The following ART1 variants were observed in gnomAD, a reference collection of about 807,000 sequenced individuals.
ART1 encodes the protein ADP-ribosyltransferase 1, also known as GPI-linked NAD(P)(+)--arginine ADP-ribosyltransferase 1.
ART1 carries 29 observed loss-of-function variants against 27.0 expected under a neutral mutation model. The ratio of observed to expected loss-of-function variants is 1.08; its 90% CI spans 0.80 to 1.47. ART1 has a LOEUF of 1.47. Ranked by LOEUF, ART1 falls within the 40% of genes most tolerant of loss-of-function variation. The pLI is 0.00. For synonymous variants in ART1, 201 were observed against 172.2 expected (o/e 1.17, Z -1.31); for missense variants, 480 against 423.0 (o/e 1.13, Z -1.18).
chr11:3,663,067 TCTC>T (rs1382018330), intron 4 of ART1, among the ~76,000 whole-genome samples: 2 of 118,610 alleles, frequency 1.7e-5, no homozygotes, highest in African/African-American at 7.7e-5. Context: ...TCTCATCTCA[TCTC>T]ATCTCATCAT....
chr11:3,652,164 T>C (rs1198036129), intron 1 of ART1, among the ~76,000 whole-genome samples: 2 of 150,612 alleles, frequency 1.3e-5, no homozygotes, highest in Non-Finnish European at 2.9e-5. Flanking sequence ...AAATTAGCTT[T>C]ACTCAACATG....
chr11:3,661,207 G>A (rs758610596), intron 3 of ART1, among the ~76,000 whole-genome samples, 165 bp from the exon 4 acceptor site: 7 of 152,140 alleles, frequency 4.6e-5, no homozygotes, highest in Non-Finnish European at 8.8e-5. Context: ...CTCATGGGTC[G>A]AGGCAAACCT....
At chr11:3,649,824 T>C (rs933411892) in intron 1 of ART1, among the ~76,000 whole-genome samples, 5 of 152,180 alleles carry the variant, frequency 3.3e-5, no homozygotes, top group Admixed American at 1.3e-4. Context: ...TTAGGCTTTT[T>C]CATCAAATAA....
intron 1 of ART1, among the ~76,000 whole-genome samples, chr11:3,653,003 T>G (rs558538013): frequency 5.4e-5 from 8 of 148,168 alleles, no homozygotes; most frequent in Non-Finnish European, 1.0e-4. Flanking sequence ...CCAATAATTC[T>G]ACACGACAAA....
intron 1 of ART1, among the ~76,000 whole-genome samples, chr11:3,657,671 A>G (rs2077585168): frequency 1.3e-5 from 2 of 152,228 alleles, no homozygotes; most frequent in African/African-American, 4.8e-5. Context: ...TGTGGAATAA[A>G]GGGCACTCTC....
At position 3,659,596 on chromosome 11, in the gene ART1, C is replaced by G; in HGVS notation, c.77C>G (p.Pro26Arg). ...LMEALQAQSH[P>R]ITRRDLFSQE... is the part of the protein sequence containing the mutation. ...CTGTCCCCTCAGGCCCAGAGCCACC[C>G]CATCACACGACGAGACCTCTTCTCT... The change falls in exon 3 of 5, where the codon CCC becomes CGC. Residue 26 changes from proline to arginine, a missense_variant. Transcript: ENST00000250693. 6.2e-7 allele frequency: 1 copy of G among 1,602,946 alleles called. No individual in the cohort carries two copies. Among genetic ancestry groups the G allele is most frequent in the Non-Finnish European group, 8.5e-7 (1 of 1,175,854 alleles).
At chr11:3,662,179 C>G (rs769194557) in intron 4 of ART1, among the ~76,000 whole-genome samples, 2 of 152,238 alleles carry the variant, frequency 1.3e-5, no homozygotes, top group African/African-American at 2.4e-5. Context: ...GGCTCTAGTC[C>G]AGGCTCTGCT....
Position 3,649,181 on chromosome 11 carries a change from G to A in ART1, c.-53+4002G>A, listed in dbSNP as rs933776925. Among the ~76,000 whole-genome samples the A allele has an allele frequency of 1.3e-4, 20 of 151,788 alleles. No homozygotes were observed. In the South Asian group the frequency reaches 1.5e-3, roughly 11 times the overall value. On this transcript the variant is annotated intron_variant, in intron 1 of 4. Coordinates refer to ENST00000250693, the MANE Select transcript of ART1 (RefSeq NM_004314.3). ...CACTACGGGCAACCTTCCACCCTCCGTTCCTCCGTCTCCCTTAGCCTGTGC... is the reference window on the plus strand; with the variant it reads ...CACTACGGGCAACCTTCCACCCTCCATTCCTCCGTCTCCCTTAGCCTGTGC...
At chr11:3,646,620 T>G (rs1380203942) in intron 1 of ART1, among the ~76,000 whole-genome samples, 1 of 152,204 alleles carries the variant, frequency 6.6e-6, no homozygotes, top group Non-Finnish European at 1.5e-5. Context: ...ACCTGACCTC[T>G]GGCTTCATCA....
rs562108762 is a variant in ART1 at position 3,659,640 on chromosome 11, A to C, written c.121A>C (p.Met41Leu). ...CTTCTCTCAAGAGATTCAGCTGGAC[A>C]TGGCCCTGGCCTCCTTTGATGACCA... ...DLFSQEIQLD[M>L]ALASFDDQYA... The change falls in exon 3 of 5, where the codon ATG (methionine) becomes CTG (leucine). Residue 41 changes from methionine to leucine, a missense_variant. Coordinates refer to ENST00000250693, the MANE Select transcript of ART1 (RefSeq NM_004314.3). 1 of 1,613,550 alleles carries C rather than the reference A, an allele frequency of 6.2e-7. No homozygotes were observed. The highest frequency in any genetic ancestry group is 1.7e-5 in the Admixed American group (1 of 60,016).
rs75833378 is a variant in ART1, at chr11:3,659,808, A to C, written c.289A>C (p.Ser97Arg). The change falls in exon 3 of 5, where the codon AGT becomes CGT. Residue 97 changes from serine (S) to arginine (R), a missense_variant. Coordinates refer to ENST00000250693, the MANE Select transcript of ART1 (RefSeq NM_004314.3). ...QERQARWPEW[S>R]LSPTRPSPPP... ...GCGTCAGGCCAGGTGGCCAGAGTGG[A>C]GTCTCAGCCCCACCCGTCCATCCCC... 1,829 of 1,612,648 alleles carry C rather than the reference A, an allele frequency of 1.1e-3. 23 individuals carry two copies. The African/African-American group carries it at 0.022, about 20-fold the overall frequency.
Position 3,664,200 on chromosome 11 carries a change from A to T in ART1, c.*11A>T. ...CCAGGCCTCCTTTGATGCATGAGAC[A>T]CGGGACAGCCTCGCCTGCTGCCTCT... is the stretch of plus-strand genomic sequence containing the variant. On this transcript the variant is annotated 3_prime_UTR_variant, in exon 5 of 5. Transcript: ENST00000250693. The T allele has an allele frequency of 6.2e-7, 1 of 1,612,860 alleles. No individual in the cohort carries two copies. The highest frequency in any genetic ancestry group is 8.5e-7 in the Non-Finnish European group (1 of 1,179,460).
chr11:3,650,862 C>T (rs150343012), intron 1 of ART1, among the ~76,000 whole-genome samples: 39,920 of 111,458 alleles, frequency 0.36, 7,879 homozygotes, highest in Admixed American at 0.53. Context: ...TCCTCCTTCG[C>T]GACCGATCAT....
intron 4 of ART1, 64 bp from the exon 5 acceptor site, chr11:3,664,028 T>C (rs2077642127): frequency 1.3e-6 from 2 of 1,531,686 alleles, no homozygotes. Flanking sequence ...TTTGCTCCTG[T>C]GCTCCTAAAT....
rs559073612 is a variant in ART1, at chr11:3,660,950, G to A, written c.845-422G>A. ...CAGCACAGGCCAGAAGAAGAACCAT[G>A]AGGATGGGCCCAGGTTCTTAATTTC... On this transcript the variant is annotated intron_variant, in intron 3 of 4. Transcript: ENST00000250693. Among the ~76,000 whole-genome samples, 20 of 152,324 alleles carry A rather than the reference G, an allele frequency of 1.3e-4. No individual in the cohort carries two copies. In the East Asian group the frequency reaches 3.5e-3, roughly 26 times the overall value.
intron 1 of ART1, among the ~76,000 whole-genome samples, chr11:3,653,270 G>A (rs1158224499): frequency 1.3e-5 from 2 of 148,734 alleles, no homozygotes; most frequent in Non-Finnish European, 2.9e-5. Context: ...TGTCCCCTGT[G>A]ACCTGCACAT....
At chr11:3,654,975 T>G (rs2077558625) in intron 1 of ART1, among the ~76,000 whole-genome samples, 1 of 152,218 alleles carries the variant, frequency 6.6e-6, no homozygotes, top group Admixed American at 6.5e-5. Flanking sequence ...CCAGTGGGCT[T>G]TTGCTGCATA....
intron 1 of ART1, among the ~76,000 whole-genome samples, chr11:3,652,344 C>A (rs1019025089): frequency 1.3e-5 from 2 of 149,092 alleles, no homozygotes; most frequent in East Asian, 3.9e-4. Flanking sequence ...GAAAACAGAC[C>A]AGCCTTTACT....
At position 3,651,300 on chromosome 11, in the gene ART1, C is replaced by T. The variant is rs1255594637; in HGVS notation, c.-53+6121C>T. On this transcript the variant is annotated intron_variant, in intron 1 of 4. Coordinates refer to ENST00000250693, the MANE Select transcript of ART1 (RefSeq NM_004314.3). ...CAGCAAATTACCTGGGCTGTACTGC[C>T]GCAAGGCTTCACAGACAGCCCCCAT... is the stretch of plus-strand genomic sequence containing the variant. Among the ~76,000 whole-genome samples, 502 of 150,508 alleles carry T rather than the reference C, an allele frequency of 3.3e-3. 2 individuals are homozygous for T. The highest frequency in any genetic ancestry group is 0.024 in the Middle Eastern group (7 of 290).
Sources: allele counts gnomAD v4.1 joint callset (sites outside exome capture counted in the v4.1 genomes callset), GRCh38; gene constraint gnomAD v4.1.1; transcripts MANE v1.5; gene names NCBI Gene and HGNC (gene_info 2026-07-23, HGNC 2026-07-21).